Variants in XKR4 observed in about 807,000 individuals in gnomAD.
XKR4 encodes the protein XK-related protein 4.
A neutral mutation model predicts 53.9 loss-of-function variants in XKR4; 12 were observed. The ratio of observed to expected loss-of-function variants is 0.22; its 90% CI spans 0.14 to 0.36. XKR4 has a LOEUF of 0.36. Among genes scored for constraint, XKR4 ranks in the 10% least tolerant of loss-of-function variants. XKR4 has a pLI of 1.00. For missense variants in XKR4, 799 were observed against 859.5 expected (o/e 0.93, Z 0.88); for synonymous variants, 354 against 362.4 (o/e 0.98, Z 0.26).
intron 1 of XKR4, among the ~76,000 whole-genome samples, chr8:55,117,203 T>C (rs1816322173): frequency 6.6e-6 from 1 of 152,176 alleles, no homozygotes; most frequent in African/African-American, 2.4e-5. Context: ...AGCTAGATGA[T>C]GTCAGATCTT....
At chr8:55,172,230 C>T (rs983391645) in intron 1 of XKR4, among the ~76,000 whole-genome samples, 4 of 151,938 alleles carry the variant, frequency 2.6e-5, no homozygotes, top group Admixed American at 1.3e-4. Context: ...AAAAAGTCCC[C>T]GTTTTCCTTC....
At chr8:55,112,659 A>G (rs181890153) in intron 1 of XKR4, among the ~76,000 whole-genome samples, 4 of 138,024 alleles carry the variant, frequency 2.9e-5, no homozygotes, top group East Asian at 2.2e-4. Context: ...ATGATTCCCT[A>G]TAACTTCTAT....
intron 1 of XKR4, among the ~76,000 whole-genome samples, chr8:55,295,815 T>TGG (rs11393498): frequency 3.3e-5 from 5 of 152,084 alleles, no homozygotes; most frequent in Admixed American, 2.0e-4. Flanking sequence ...AGCTTATAAA[T>TGG]GGGGGGTAGA....
rs1585602752 is a variant in XKR4, at chr8:55,490,144, T to G, written c.1007-33137T>G. Among the ~76,000 whole-genome samples, 6 of 152,216 alleles carry G rather than the reference T, an allele frequency of 3.9e-5. No individual in the cohort carries two copies. The South Asian group carries it at 1.2e-3, about 31-fold the overall frequency. On this transcript the variant is annotated intron_variant, in intron 2 of 2. Transcript: ENST00000327381. Reference sequence around the variant, plus strand: ...AATATGCTTTCCCTACAACATAAACTGTCTATAATATTTCTTATGAGATCA... The same window carrying G: ...AATATGCTTTCCCTACAACATAAACGGTCTATAATATTTCTTATGAGATCA...
chr8:55,398,063 C>G (rs556098213), intron 2 of XKR4, among the ~76,000 whole-genome samples: 1 of 152,180 alleles, frequency 6.6e-6, no homozygotes, highest in South Asian at 2.1e-4. Flanking sequence ...ATAACAGATA[C>G]AAAATTTGTT....
intron 1 of XKR4, among the ~76,000 whole-genome samples, chr8:55,113,529 T>G (rs901567170): frequency 6.6e-6 from 1 of 152,180 alleles, no homozygotes; most frequent in African/African-American, 2.4e-5. Context: ...AAAGAAAAAC[T>G]TGAGTTGTGA....
At chr8:55,201,792 A>G (rs1211601687) in intron 1 of XKR4, among the ~76,000 whole-genome samples, 1 of 152,216 alleles carries the variant, frequency 6.6e-6, no homozygotes, top group Non-Finnish European at 1.5e-5. Context: ...TCGCATGCAC[A>G]TTCCTGCTGA....
intron 2 of XKR4, among the ~76,000 whole-genome samples, chr8:55,482,031 C>T (rs1806116990): frequency 6.6e-6 from 1 of 152,202 alleles, no homozygotes; most frequent in Admixed American, 6.5e-5. Flanking sequence ...TTTGACCCAG[C>T]CATCCCATTA....
At chr8:55,370,694 C>T (rs918637240) in intron 2 of XKR4, among the ~76,000 whole-genome samples, 2 of 152,166 alleles carry the variant, frequency 1.3e-5, no homozygotes, top group Non-Finnish European at 2.9e-5. Flanking sequence ...TCCAATAGCA[C>T]TTAGTGCTAA....
chr8:55,374,836 T>G (rs1032175967), intron 2 of XKR4, among the ~76,000 whole-genome samples: 39 of 152,178 alleles, frequency 2.6e-4, no homozygotes, highest in Admixed American at 1.3e-4. Context: ...AGGGTAGAAT[T>G]TCTAGACTAT....
At chr8:55,330,760 G>T (rs139676178) in intron 1 of XKR4, among the ~76,000 whole-genome samples, 2 of 152,072 alleles carry the variant, frequency 1.3e-5, no homozygotes, top group Admixed American at 1.3e-4. Flanking sequence ...CAGAAGTCGT[G>T]AGTGTTCATG....
chr8:55,338,948 T>C (rs1803502627), intron 1 of XKR4, among the ~76,000 whole-genome samples: 1 of 152,222 alleles, frequency 6.6e-6, no homozygotes. Context: ...AATGCAGCTG[T>C]TGACCAGTAG....
chr8:55,177,932 T>A (rs1369150779), intron 1 of XKR4, among the ~76,000 whole-genome samples: 2 of 152,178 alleles, frequency 1.3e-5, no homozygotes, highest in African/African-American at 4.8e-5. Context: ...AGGATCAATG[T>A]CCTGCCAGGA....
In XKR4 at chr8:55,523,771, T is replaced by C; in HGVS notation, c.1497T>C (p.Phe499=). 6.2e-7 allele frequency: 1 copy of C among 1,614,216 alleles called. No homozygotes were observed. Among genetic ancestry groups the C allele is most frequent in the Non-Finnish European group, 8.5e-7 (1 of 1,180,038 alleles). The change falls in exon 3 of 3, where the codon TTT becomes TTC. Residue 499 remains phenylalanine (F), a synonymous_variant. Transcript: ENST00000327381. ...IPALCVVFSS[F]LTGVVFMLMY... is the part of the protein sequence containing the mutation. ...CGCTGTGTGTGGTGTTCAGCAGCTT[T>C]TTAACTGGCGTTGTTTTTATGCTGA...
intron 2 of XKR4, among the ~76,000 whole-genome samples, chr8:55,394,347 G>C (rs1463028138): frequency 6.6e-6 from 1 of 152,136 alleles, no homozygotes; most frequent in Non-Finnish European, 1.5e-5. Flanking sequence ...GAGGTCCTTA[G>C]TATTTGAGGA....
chr8:55,162,516 AG>A (rs1277541320), intron 1 of XKR4, among the ~76,000 whole-genome samples: 1 of 152,214 alleles, frequency 6.6e-6, no homozygotes, highest in Non-Finnish European at 1.5e-5. Context: ...AAGTGTTGTG[AG>A]GATTAAATAA....
intron 1 of XKR4, among the ~76,000 whole-genome samples, chr8:55,242,279 G>A (rs1818220723): frequency 6.6e-6 from 1 of 152,054 alleles, no homozygotes; most frequent in Non-Finnish European, 1.5e-5. Flanking sequence ...CATCTCCTTG[G>A]CAATCTTCTC....
intron 2 of XKR4, among the ~76,000 whole-genome samples, chr8:55,384,864 A>G (rs926980497): frequency 1.3e-5 from 2 of 152,188 alleles, no homozygotes; most frequent in South Asian, 2.1e-4. Flanking sequence ...ACAAATTTCA[A>G]ATATTTTTGG....
chr8:55,197,981 C>A (rs747322113), intron 1 of XKR4, among the ~76,000 whole-genome samples: 2 of 152,232 alleles, frequency 1.3e-5, no homozygotes, highest in African/African-American at 4.8e-5. Flanking sequence ...TAAATAAATG[C>A]CCAGACTGAA....
Sources: allele counts gnomAD v4.1 joint callset (sites outside exome capture counted in the v4.1 genomes callset), GRCh38; gene constraint gnomAD v4.1.1; transcripts MANE v1.5; gene names NCBI Gene and HGNC (gene_info 2026-07-23, HGNC 2026-07-21).